Variants in RBFOX1 observed in about 807,000 individuals in gnomAD.
The protein encoded by RBFOX1 is RNA binding protein fox-1 homolog 1.
RBFOX1 carries 8 observed loss-of-function variants against 57.7 expected under a neutral mutation model. That is an observed-to-expected ratio of 0.14 (90% confidence interval 0.08 to 0.25). RBFOX1 has a LOEUF of 0.25. Ranked by LOEUF, RBFOX1 falls within the 10% of genes least tolerant of loss-of-function variation. RBFOX1 has a pLI of 1.00. For missense variants in RBFOX1, 611 were observed against 548.5 expected, an observed-to-expected ratio of 1.11 and a Z score of -1.14; for synonymous variants, 326 against 222.4, an observed-to-expected ratio of 1.47 and a Z score of -4.15.
chr16:5,408,326 T>A (rs1182543114), intron 1 of RBFOX1, among the ~76,000 whole-genome samples: 2 of 152,206 alleles, frequency 1.3e-5, no homozygotes, highest in African/African-American at 4.8e-5. Context: ...GATTTCCCAA[T>A]TTCGTGTTAT....
intron 1 of RBFOX1, among the ~76,000 whole-genome samples, chr16:5,255,118 A>T (rs2062551226): frequency 6.6e-6 from 1 of 152,102 alleles, no homozygotes; most frequent in African/African-American, 2.4e-5. Flanking sequence ...GCCAGTTTTG[A>T]CTTTCCTAGT....
intron 3 of RBFOX1, among the ~76,000 whole-genome samples, chr16:5,861,194 T>C (rs1329827846): frequency 6.6e-6 from 1 of 152,164 alleles, no homozygotes. Flanking sequence ...AAAGTAGTGC[T>C]TCAGTGGGGA....
At chr16:6,837,928 C>T (rs564552652) in intron 3 of RBFOX1, among the ~76,000 whole-genome samples, 3 of 151,726 alleles carry the variant, frequency 2.0e-5, no homozygotes, top group Non-Finnish European at 4.4e-5. Context: ...ATGGCAACAG[C>T]AGGAAGTTAC....
intron 2 of RBFOX1, among the ~76,000 whole-genome samples, chr16:6,634,723 A>C (rs1227542401): frequency 7.0e-6 from 1 of 143,270 alleles, no homozygotes; most frequent in African/African-American, 2.5e-5. Flanking sequence ...AATATATAAT[A>C]CAAAGATATA....
At chr16:6,287,697 C>G (rs1281823090) in intron 1 of RBFOX1, among the ~76,000 whole-genome samples, 1 of 152,116 alleles carries the variant, frequency 6.6e-6, no homozygotes, top group Non-Finnish European at 1.5e-5. Context: ...AGCACACACA[C>G]ATATAAGCAT....
At chr16:7,666,853 C>G (rs545726920) in intron 13 of RBFOX1, among the ~76,000 whole-genome samples, 1 of 152,182 alleles carries the variant, frequency 6.6e-6, no homozygotes, top group Non-Finnish European at 1.5e-5. Flanking sequence ...GTCTCTCACA[C>G]ATTCATCATG....
intron 3 of RBFOX1, among the ~76,000 whole-genome samples, chr16:6,871,047 G>A (rs181089843): frequency 3.0e-4 from 45 of 152,322 alleles, no homozygotes; most frequent in African/African-American, 9.1e-4. Flanking sequence ...TCATAAATGC[G>A]TATAAAGTAG....
rs142279118 is a variant in RBFOX1, at chr16:5,378,647, T to G, written c.220-88569T>G. On this transcript the variant is annotated intron_variant, in intron 1 of 2. Coordinates refer to the RBFOX1 transcript ENST00000585867. ...AATGGCCCTGGGTAAACTGGGATGG[T>G]TGGTCACACTGCTGGAGAGGAAGAG... Among the ~76,000 whole-genome samples, 217 of 151,552 alleles carry G rather than the reference T, an allele frequency of 1.4e-3. 7 individuals carry two copies. The highest frequency in any genetic ancestry group is 5.2e-3 in the African/African-American group (212 of 40,840).
At chr16:6,944,568 G>T (rs1272862948) in intron 3 of RBFOX1, among the ~76,000 whole-genome samples, 2 of 152,132 alleles carry the variant, frequency 1.3e-5, no homozygotes, top group African/African-American at 2.4e-5. Context: ...CTTAGGAAAT[G>T]TGTACATTAA....
chr16:7,095,000 A>G (rs890168721), intron 4 of RBFOX1, among the ~76,000 whole-genome samples: 2 of 152,170 alleles, frequency 1.3e-5, no homozygotes, highest in Admixed American at 6.5e-5. Flanking sequence ...CAATTGTGGA[A>G]TAACCTTTTT....
At chr16:5,778,639 G>C (rs548929454) in intron 3 of RBFOX1, among the ~76,000 whole-genome samples, 2 of 152,252 alleles carry the variant, frequency 1.3e-5, no homozygotes, top group South Asian at 4.1e-4. Context: ...TCATGGATCC[G>C]TTGATTGCAT....
At chr16:7,638,942 A>G (rs2062265097) in intron 11 of RBFOX1, among the ~76,000 whole-genome samples, 1 of 150,168 alleles carries the variant, frequency 6.7e-6, no homozygotes. Flanking sequence ...GTGCACCCTC[A>G]TGTATTTTTT....
chr16:7,183,347 A>G (rs1201783917), intron 4 of RBFOX1, among the ~76,000 whole-genome samples: 2 of 152,330 alleles, frequency 1.3e-5, no homozygotes, highest in South Asian at 2.1e-4. Flanking sequence ...CAAATTTGAC[A>G]GAAGAAACAG....
In RBFOX1 at chr16:6,712,955, G is replaced by C. The variant is rs142352396; in HGVS notation, c.-16+58305G>C. On this transcript the variant is annotated intron_variant, in intron 3 of 15. Coordinates refer to ENST00000550418, the MANE Select transcript of RBFOX1 (RefSeq NM_018723.4). ...TGAATAACTCTCATGGGATCTGATG[G>C]TTTTATAAAGAGCAGTTCCCCTGCA... Among the ~76,000 whole-genome samples the C allele has an allele frequency of 4.2e-3, 563 of 133,266 alleles. 6 individuals are homozygous for C. The highest frequency in any genetic ancestry group is 0.015 in the African/African-American group (524 of 36,128). The allele number at this position is 133,266 out of a possible 152,430, so 87.4% of individuals were successfully genotyped here.
intron 9 of RBFOX1, among the ~76,000 whole-genome samples, chr16:7,604,583 G>T (rs2095207508): frequency 6.6e-6 from 1 of 152,176 alleles, no homozygotes; most frequent in Non-Finnish European, 1.5e-5. Flanking sequence ...ATAAACAGCA[G>T]ATTATAGGGG....
At chr16:6,551,254 T>A (rs1347559044) in intron 2 of RBFOX1, among the ~76,000 whole-genome samples, 1 of 152,194 alleles carries the variant, frequency 6.6e-6, no homozygotes, top group Non-Finnish European at 1.5e-5. Flanking sequence ...ACACATGTAA[T>A]GAGTAAATAC....
chr16:6,658,017 C>G (rs1446482782), intron 3 of RBFOX1, among the ~76,000 whole-genome samples: 2 of 151,882 alleles, frequency 1.3e-5, no homozygotes, highest in Admixed American at 1.3e-4. Context: ...CGATTTATAG[C>G]TATGTATATT....
At chr16:7,255,170 A>G (rs577511832) in intron 4 of RBFOX1, among the ~76,000 whole-genome samples, 1 of 152,306 alleles carries the variant, frequency 6.6e-6, no homozygotes, top group African/African-American at 2.4e-5. Context: ...GATAGTTTCT[A>G]TTTTAGACAA....
intron 11 of RBFOX1, among the ~76,000 whole-genome samples, chr16:7,652,696 G>A (rs1045486088): frequency 2.6e-5 from 4 of 152,178 alleles, no homozygotes; most frequent in South Asian, 2.1e-4. Flanking sequence ...ATGAGCCACC[G>A]CGCCCAGCCC....
Sources: gnomAD v4.1 joint callset for allele counts (sites outside exome capture counted in the v4.1 genomes callset) on GRCh38, gnomAD v4.1.1 for gene constraint, MANE v1.5 for transcripts, NCBI Gene and HGNC (gene_info 2026-07-23, HGNC 2026-07-21) for gene names.